Variants in KIF4A observed in about 807,000 individuals in gnomAD.
KIF4A encodes chromosome-associated kinesin KIF4A.
KIF4A carries 7 observed loss-of-function variants against 105.9 expected under a neutral mutation model. The ratio of observed to expected loss-of-function variants is 0.07; its 90% CI spans 0.04 to 0.12. The LOEUF (loss-of-function observed/expected upper bound fraction) is 0.12, where lower values mean the gene tolerates loss of function less well. KIF4A is among the 10% of genes least tolerant of loss of function. The probability of loss-of-function intolerance (pLI) is 1.00; values close to 1 mark genes in which losing one functional copy is unlikely to be tolerated. For synonymous variants in KIF4A, 281 were observed against 331.3 expected (o/e 0.85, Z 1.65); for missense variants, 558 against 929.2 (o/e 0.60, Z 5.19).
At chrX:70,348,904 C>T (rs2086005612) in intron 13 of KIF4A, among the ~76,000 whole-genome samples, 1 of 112,207 alleles carries the variant, frequency 8.9e-6, no homozygotes, top group Non-Finnish European at 1.9e-5. Flanking sequence ...GACGGGGCGG[C>T]CGGGCAGAGG....
chrX:70,388,120 A>G (rs1273841582), intron 20 of KIF4A, among the ~76,000 whole-genome samples: 1 of 111,093 alleles, frequency 9.0e-6, no homozygotes, highest in African/African-American at 3.3e-5. Flanking sequence ...TTCTGTCACT[A>G]TGGATTTGTT....
chrX:70,405,987 G>T, intron 26 of KIF4A, 82 bp downstream of exon 26: 2 of 742,937 alleles, frequency 2.7e-6, no homozygotes, highest in South Asian at 4.5e-5. Flanking sequence ...AACCCCCATT[G>T]TGGTGACTTG....
intron 13 of KIF4A, among the ~76,000 whole-genome samples, chrX:70,348,617 C>A (rs918800237): frequency 9.0e-6 from 1 of 111,054 alleles, no homozygotes; most frequent in Non-Finnish European, 1.9e-5. Flanking sequence ...CGCCCTTAAT[C>A]CATTTAACCC....
chrX:70,403,337 A>G (rs761167322), intron 23 of KIF4A, among the ~76,000 whole-genome samples: 10 of 112,441 alleles, frequency 8.9e-5, no homozygotes, highest in Admixed American at 2.8e-4. Context: ...GAACACTGGT[A>G]CTTATGATGT....
At chrX:70,372,328 G>A (rs748605252) in intron 15 of KIF4A, among the ~76,000 whole-genome samples, 104 of 112,760 alleles carry the variant, frequency 9.2e-4, no homozygotes, top group African/African-American at 1.4e-3. Context: ...CCGAGATCAC[G>A]CCACTGCACT....
intron 18 of KIF4A, among the ~76,000 whole-genome samples, chrX:70,386,077 G>A (rs772890060): frequency 2.7e-5 from 3 of 109,210 alleles, no homozygotes; most frequent in Non-Finnish European, 5.7e-5. Context: ...ATGTCCGTGT[G>A]TACCCAGGTT....
intron 15 of KIF4A, among the ~76,000 whole-genome samples, chrX:70,367,075 T>C (rs1281632279): frequency 4.5e-5 from 5 of 111,476 alleles, no homozygotes; most frequent in African/African-American, 1.6e-4. Flanking sequence ...ATTCCAACCC[T>C]TGCCTTTTTT....
chrX:70,299,044 T>C, intron 4 of KIF4A, 69 bp from the exon 5 acceptor site: 1 of 813,225 alleles, frequency 1.2e-6, no homozygotes, highest in Middle Eastern at 3.0e-4. Context: ...AAATTACCTA[T>C]GATCTCACCA....
chrX:70,386,822 C>A, intron 19 of KIF4A, 121 bp downstream of exon 19: 2 of 520,828 alleles, frequency 3.8e-6, no homozygotes, highest in South Asian at 3.1e-5. Context: ...TCTTCACAAG[C>A]AATTCCTAAA....
chrX:70,419,840 A>T, intron 30 of KIF4A, 57 bp downstream of exon 30: 1 of 1,192,254 alleles, frequency 8.4e-7, no homozygotes, highest in East Asian at 3.0e-5. Context: ...TCTCTGCATT[A>T]TCTATGAGAG....
chrX:70,415,370 G>A (rs1483111033), intron 28 of KIF4A: 3 of 263,462 alleles, frequency 1.1e-5, no homozygotes, highest in Non-Finnish European at 2.1e-5. Flanking sequence ...AGCACTTTGG[G>A]AGGCTGAGGC....
intron 15 of KIF4A, among the ~76,000 whole-genome samples, chrX:70,355,503 A>G (rs988573019): frequency 8.9e-6 from 1 of 111,823 alleles, no homozygotes; most frequent in African/African-American, 3.3e-5. Context: ...GGGGCCAATA[A>G]TTTGCACTTC....
At chrX:70,295,932 T>A (rs958266127) in intron 3 of KIF4A, among the ~76,000 whole-genome samples, 22 of 57,701 alleles carry the variant, frequency 3.8e-4, no homozygotes, top group African/African-American at 9.2e-4. Flanking sequence ...AAAAAAAAAA[T>A]TTACCATCCT....
At chrX:70,371,543 T>C (rs1213957223) in intron 15 of KIF4A, among the ~76,000 whole-genome samples, 1 of 97,562 alleles carries the variant, frequency 1.0e-5, no homozygotes, top group East Asian at 3.7e-4. Flanking sequence ...CACTTCCCAG[T>C]AGGGGCGGCC....
chrX:70,375,568 G>A (rs906269312), intron 17 of KIF4A, among the ~76,000 whole-genome samples: 1 of 111,790 alleles, frequency 8.9e-6, no homozygotes, highest in African/African-American at 3.3e-5. Flanking sequence ...AAAATTTAAT[G>A]TTAGAGTCTC....
At chrX:70,293,698 G>GA (rs1366332315) in intron 3 of KIF4A, among the ~76,000 whole-genome samples, 3 of 111,981 alleles carry the variant, frequency 2.7e-5, no homozygotes, top group African/African-American at 9.7e-5. Context: ...TAACATCATG[G>GA]AAAATATTTG....
At chrX:70,415,292 G>C (rs1569255171) in intron 28 of KIF4A, 1 of 251,780 alleles carries the variant, frequency 4.0e-6, no homozygotes. Context: ...ACAATTTCTT[G>C]TTTGTTTTTG....
At chrX:70,371,108 G>A (rs2086130123) in intron 15 of KIF4A, among the ~76,000 whole-genome samples, 2 of 110,534 alleles carry the variant, frequency 1.8e-5, no homozygotes, top group African/African-American at 6.6e-5. Context: ...CTGGTCTAGG[G>A]CGTGCATATA....
In KIF4A at chrX:70,403,978, A is replaced by C. The variant is rs768717763; in HGVS notation, c.2734A>C (p.Ile912Leu). 8.3e-7 allele frequency: 1 copy of C among 1,211,795 alleles called. No individual in the cohort carries two copies. Among genetic ancestry groups the C allele is most frequent in the Non-Finnish European group, 1.1e-6 (1 of 895,529 alleles). ...LFEERNHFAEIETELQAELVR... is the reference protein window; with the variant it reads ...LFEERNHFAELETELQAELVR... ...TGAGGAACGAAATCATTTTGCCGAG[A>C]TAGAGACAGAGTTACAAGCTGAGCT... The change falls in exon 24 of 31, where the codon ATA (isoleucine) becomes CTA (leucine). Residue 912 changes from isoleucine to leucine, a missense_variant. Physicochemically the swap from Ile to Leu is conservative, Grantham distance 5. Coordinates refer to ENST00000374403, the MANE Select transcript of KIF4A (RefSeq NM_012310.5).
Sources: gnomAD v4.1 joint callset for allele counts (sites outside exome capture counted in the v4.1 genomes callset) on GRCh38, gnomAD v4.1.1 for gene constraint, MANE v1.5 for transcripts, NCBI Gene and HGNC (gene_info 2026-07-23, HGNC 2026-07-21) for gene names.